LRP1B: variants seen among roughly 807,000 people sequenced by gnomAD.
The protein encoded by LRP1B is LDL receptor related protein 1B, also known as low-density lipoprotein receptor-related protein 1B.
LRP1B carries 217 observed loss-of-function variants against 556.6 expected under a neutral mutation model. The observed-to-expected ratio is 0.39, with a 90% CI of 0.35 to 0.44. LRP1B has a LOEUF of 0.44. Ranked by LOEUF, LRP1B falls within the 20% of genes least tolerant of loss-of-function variation. LRP1B has a pLI of 1.00. For synonymous variants in LRP1B, 2,047 were observed against 1,865.8 expected (o/e 1.10, Z -2.50); for missense variants, 5,053 against 5,620.8 (o/e 0.90, Z 3.23).
At chr2:141,873,795 T>C (rs1698667903) in intron 1 of LRP1B, among the ~76,000 whole-genome samples, 1 of 146,094 alleles carries the variant, frequency 6.8e-6, no homozygotes, top group South Asian at 2.2e-4. Flanking sequence ...GAACATGGGA[T>C]GAGGTTAAAA....
chr2:140,508,167 A>G (rs928913975), intron 52 of LRP1B, among the ~76,000 whole-genome samples: 2 of 152,224 alleles, frequency 1.3e-5, no homozygotes, highest in Admixed American at 6.5e-5. Flanking sequence ...CTATTTCCCA[A>G]TTCCATGTCT....
At chr2:140,722,133 G>T (rs935456366) in intron 35 of LRP1B, among the ~76,000 whole-genome samples, 1 of 151,862 alleles carries the variant, frequency 6.6e-6, no homozygotes, top group Non-Finnish European at 1.5e-5. Context: ...TGTACTCTTT[G>T]GCCTGTTCTT....
chr2:140,399,193 C>CCAT (rs1164974031), intron 66 of LRP1B, among the ~76,000 whole-genome samples: 2 of 122,552 alleles, frequency 1.6e-5, no homozygotes, highest in East Asian at 4.0e-4. Flanking sequence ...ACACACACCA[C>CCAT]TTATTCAATG....
chr2:140,752,147 T>A (rs1054280943), intron 35 of LRP1B, among the ~76,000 whole-genome samples: 4 of 151,960 alleles, frequency 2.6e-5, no homozygotes, highest in African/African-American at 9.7e-5. Flanking sequence ...AAACCCTGTC[T>A]CTACTAAAAA....
chr2:141,021,391 T>A (rs1367618498), intron 11 of LRP1B, among the ~76,000 whole-genome samples: 1 of 148,394 alleles, frequency 6.7e-6, no homozygotes, highest in Non-Finnish European at 1.5e-5. Context: ...GAATCAGATA[T>A]GTTCCCAATT....
At chr2:140,329,207 T>C (rs1383231225) in intron 79 of LRP1B, among the ~76,000 whole-genome samples, 1 of 152,080 alleles carries the variant, frequency 6.6e-6, no homozygotes, top group Non-Finnish European at 1.5e-5. Flanking sequence ...CCAGGTACTA[T>C]GCACAGAGCA....
chr2:141,559,580 T>C (rs1369588406), intron 2 of LRP1B, among the ~76,000 whole-genome samples: 1 of 151,670 alleles, frequency 6.6e-6, no homozygotes, highest in East Asian at 1.9e-4. Context: ...GGGTAGTAGA[T>C]ATCTGTTGTA....
chr2:140,776,036 T>C (rs1689484518), intron 33 of LRP1B, 62 bp downstream of exon 33: 4 of 1,290,042 alleles, frequency 3.1e-6, no homozygotes, highest in Non-Finnish European at 4.3e-6. Flanking sequence ...ATTGAGGAGC[T>C]AATATAAAAA....
chr2:140,792,026 A>G (rs1381940876), intron 32 of LRP1B, among the ~76,000 whole-genome samples: 2 of 152,180 alleles, frequency 1.3e-5, no homozygotes, highest in East Asian at 3.9e-4. Context: ...TCATTCCCTG[A>G]CAGTAGGCAC....
intron 1 of LRP1B, among the ~76,000 whole-genome samples, chr2:141,949,750 G>A (rs1033816572): frequency 6.6e-6 from 1 of 152,098 alleles, no homozygotes; most frequent in Non-Finnish European, 1.5e-5. Flanking sequence ...AATTCTGTCA[G>A]GTTTTAGGTT....
intron 11 of LRP1B, among the ~76,000 whole-genome samples, chr2:141,032,404 C>T (rs72975061): frequency 0.2 from 30,730 of 151,906 alleles, 3,329 homozygotes; most frequent in African/African-American, 0.27. Context: ...TTTAAATTGA[C>T]AGCTATTACT....
intron 1 of LRP1B, among the ~76,000 whole-genome samples, chr2:142,025,476 G>T (rs556857165): frequency 6.5e-4 from 99 of 152,102 alleles, no homozygotes; most frequent in Non-Finnish European, 1.1e-3. Context: ...TTTGAATCTA[G>T]GTATCCAGAG....
Position 141,557,736 on chromosome 2 carries a change from C to T in LRP1B, c.206-77203G>A, listed in dbSNP as rs1273296964. ...CTATTCCCGCAGAGGGCCACCCTGC[C>T]TCTAGACTCTAGACTAAGAGTGTAT... On this transcript the variant is annotated intron_variant, in intron 2 of 90. Transcript: ENST00000389484. Among the ~76,000 whole-genome samples the T allele has an allele frequency of 2.0e-5, 3 of 151,842 alleles. No homozygotes were observed. The East Asian group carries it at 5.8e-4, about 29-fold the overall frequency.
rs1431577942 is a variant in LRP1B at position 140,251,601 on chromosome 2, T to A, written c.13248-4439A>T. On this transcript the variant is annotated intron_variant, in intron 86 of 90. Transcript: ENST00000389484. ...ATTTAAAATTGAATTTATCCTCTTA[T>A]ACGTATGTGCAAGGTTGCCCTTATT... 3.3e-5 allele frequency among the ~76,000 whole-genome samples: 5 copies of A among 151,904 alleles called. No individual in the cohort carries two copies. In the East Asian group the frequency reaches 9.7e-4, roughly 29 times the overall value.
rs116586847 is a variant in LRP1B at position 140,814,978 on chromosome 2, C to T, written c.5210-1172G>A. On this transcript the variant is annotated intron_variant, in intron 31 of 90. Transcript: ENST00000389484. ...CTGGCATGCTCAGCAGAATCAGTAT[C>T]CACATTTTAACAATAACTCTGTAGA... Among the ~76,000 whole-genome samples, 1,009 of 152,192 alleles carry T rather than the reference C, an allele frequency of 6.6e-3. 14 individuals carry two copies. The highest frequency in any genetic ancestry group is 0.023 in the African/African-American group (960 of 41,544).
chr2:141,380,723 C>A (rs1039881909), intron 3 of LRP1B, among the ~76,000 whole-genome samples: 39 of 152,200 alleles, frequency 2.6e-4, no homozygotes, highest in Non-Finnish European at 3.7e-4. Context: ...GCTTTTTCCC[C>A]GAGGAGAGAA....
chr2:141,887,792 T>A (rs1043179329), intron 1 of LRP1B, among the ~76,000 whole-genome samples: 4 of 152,234 alleles, frequency 2.6e-5, no homozygotes, highest in African/African-American at 9.6e-5. Context: ...CAATTAGTTA[T>A]ACTTGCCATG....
intron 60 of LRP1B, among the ~76,000 whole-genome samples, chr2:140,469,977 A>G (rs1687697075): frequency 6.6e-6 from 1 of 152,220 alleles, no homozygotes; most frequent in East Asian, 1.9e-4. Flanking sequence ...CACATATTGC[A>G]TCAAGCACAG....
At chr2:140,697,670 G>C (rs956086440) in intron 41 of LRP1B, among the ~76,000 whole-genome samples, 14 of 152,000 alleles carry the variant, frequency 9.2e-5, no homozygotes, top group Admixed American at 6.6e-4. Context: ...TATGCTAAGT[G>C]AAACAAGCCA....
Sources: gnomAD v4.1 joint callset for allele counts (sites outside exome capture counted in the v4.1 genomes callset) on GRCh38, gnomAD v4.1.1 for gene constraint, MANE v1.5 for transcripts, NCBI Gene and HGNC (gene_info 2026-07-23, HGNC 2026-07-21) for gene names.